The following CAPN1 variants were observed in gnomAD, a reference collection of about 807,000 sequenced individuals.
The protein encoded by CAPN1 is calpain 1, also known as calpain-1 catalytic subunit.
A neutral mutation model predicts 105.2 loss-of-function variants in CAPN1; 77 were observed. The observed-to-expected ratio is 0.73, with a 90% CI of 0.61 to 0.88. CAPN1 has a LOEUF of 0.88. Ranked by LOEUF, CAPN1 falls within the 40% of genes least tolerant of loss-of-function variation. The probability of loss-of-function intolerance (pLI) is 0.00; values close to 1 mark genes in which losing one functional copy is unlikely to be tolerated. For synonymous variants in CAPN1, 355 were observed against 388.8 expected (o/e 0.91, Z 1.02); for missense variants, 833 against 976.6 (o/e 0.85, Z 1.96).
intron 21 of CAPN1, 157 bp from the exon 22 acceptor site, chr11:65,211,103 T>A (rs1949041777): frequency 2.3e-6 from 2 of 855,856 alleles, no homozygotes; most frequent in African/African-American, 1.7e-5. Context: ...AGCACTCTGG[T>A]TTCCCAGGGG....
At chr11:65,204,636 C>T in intron 10 of CAPN1, 47 bp from the exon 11 acceptor site, 1 of 1,575,692 alleles carries the variant, frequency 6.3e-7, no homozygotes. Context: ...GGCCAATTGG[C>T]TCTGCCCCGC....
chr11:65,183,238 A>C (rs1165425169), intron 3 of CAPN1, 41 bp downstream of exon 3: 1 of 1,573,110 alleles, frequency 6.4e-7, no homozygotes, highest in East Asian at 2.2e-5. Flanking sequence ...TTTTTTCCAC[A>C]GTAGTTCCCC....
intron 10 of CAPN1, among the ~76,000 whole-genome samples, chr11:65,199,997 G>C: frequency 6.6e-6 from 1 of 152,028 alleles, no homozygotes; most frequent in East Asian, 1.9e-4. Flanking sequence ...ATTGCTCCGG[G>C]GTGTTTCTGC....
At position 65,208,779 on chromosome 11, in the gene CAPN1, C is replaced by CAA; in HGVS notation, c.1729+526_1729+527dup. On this transcript the variant is annotated intron_variant, in intron 16 of 21. Coordinates refer to ENST00000279247, the MANE Select transcript of CAPN1 (RefSeq NM_005186.4). This position sits in a 1 kb window ranked among gnomAD's most constrained non-coding sequence, Gnocchi z 4.1. ...TGGGCAACAGAGCAAGACCCTGTCT[C>CAA]AAAAAAAAAAGCAGGAGCAGCACCT... 4.0e-5 allele frequency: 8 copies of CAA among 199,650 alleles called. No homozygotes were observed. Among genetic ancestry groups the CAA allele is most frequent in the Admixed American group, 1.1e-4 (2 of 17,642 alleles). The allele number at this position is 199,650 out of a possible 1,614,324, so 12.4% of individuals were successfully genotyped here.
intron 3 of CAPN1, 37 bp from the exon 4 acceptor site, chr11:65,183,437 T>G: frequency 1.3e-6 from 2 of 1,494,856 alleles, no homozygotes; most frequent in African/African-American, 1.4e-5. Flanking sequence ...CGGGGCAGGT[T>G]GGTAGAGCAG....
At position 65,210,593 on chromosome 11, in the gene CAPN1, T is replaced by TG. The variant is rs1476798816; in HGVS notation, c.2059+147dup. 2 of 711,290 alleles carry TG rather than the reference T, an allele frequency of 2.8e-6. No homozygotes were observed. The highest frequency in any genetic ancestry group is 2.5e-6 in the Non-Finnish European group (1 of 406,002). 44.1% of individuals were successfully genotyped at this position (711,290 alleles called of 1,614,324 possible). A position where few individuals can be genotyped will look rare whatever the true frequency, so the allele number is the denominator to read the frequency against. On this transcript the variant is annotated intron_variant, in intron 20 of 21. Coordinates refer to ENST00000279247, the MANE Select transcript of CAPN1 (RefSeq NM_005186.4). This position sits in a 1 kb window ranked among gnomAD's most constrained non-coding sequence, Gnocchi z 4.3. ...TGCCAGAGAGGCCTGGGTCTGGGTT[T>TG]GGGGGGCCCTGGCTGAGTGCCAGGA...
At chr11:65,201,769 C>T (rs1214928824) in intron 10 of CAPN1, among the ~76,000 whole-genome samples, 11 of 151,224 alleles carry the variant, frequency 7.3e-5, no homozygotes, top group Non-Finnish European at 1.5e-4. Context: ...CCGCCCGTCT[C>T]GGCCTCCCAA....
chr11:65,184,067 G>A (rs1173478287), intron 4 of CAPN1, among the ~76,000 whole-genome samples: 1 of 152,146 alleles, frequency 6.6e-6, no homozygotes, highest in Non-Finnish European at 1.5e-5. Flanking sequence ...TTTCCTGACG[G>A]TGTGCCCAGG....
chr11:65,187,900 A>AG, intron 7 of CAPN1, 55 bp from the exon 8 acceptor site: 2 of 1,206,320 alleles, frequency 1.7e-6, no homozygotes, highest in Non-Finnish European at 2.3e-6. Flanking sequence ...TCAAAAAAGA[A>AG]AAAAAAAAAA....
In CAPN1 at chr11:65,188,881, T is replaced by C. The variant is rs1270145521; in HGVS notation, c.1165+135T>C. The C allele has an allele frequency of 2.6e-6, 2 of 755,480 alleles. No individual in the cohort carries two copies. The highest frequency in any genetic ancestry group is 4.2e-6 in the Non-Finnish European group (2 of 475,886). The allele number at this position is 755,480 out of a possible 1,614,324, so 46.8% of individuals were successfully genotyped here. A position where few individuals can be genotyped will look rare whatever the true frequency, so the allele number is the denominator to read the frequency against. On this transcript the variant is annotated intron_variant, in intron 10 of 21. Coordinates refer to ENST00000279247, the MANE Select transcript of CAPN1 (RefSeq NM_005186.4). This position sits in a 1 kb window ranked among gnomAD's most constrained non-coding sequence, Gnocchi z 5.5. ...CTTGAATTTGCTTTGAGGAGTAAAA[T>C]ATTAAATGTCCTAGTAAATTTTAAA...
Position 65,188,722 on chromosome 11 carries a change from G to T in CAPN1, c.1141G>T (p.Ala381Ser). 3 of 1,582,936 alleles carry T rather than the reference G, an allele frequency of 1.9e-6. No individual in the cohort carries two copies. The highest frequency in any genetic ancestry group is 2.6e-6 in the Non-Finnish European group (3 of 1,164,910). ...AGGCACCTGGCGGCGGGGGAGCACCGCGGGGGGCTGCCGAAACTACCCAGG... is the reference window on the plus strand; with the variant it reads ...AGGCACCTGGCGGCGGGGGAGCACCTCGGGGGGCTGCCGAAACTACCCAGG... ...YEGTWRRGST[A>S]GGCRNYPATF... Residue 381 changes from alanine (A) to serine (S), a missense_variant, in exon 10 of 22, where the codon GCG (alanine) becomes TCG (serine). Ala to Ser is a moderately conservative substitution (Grantham distance 99). Coordinates refer to ENST00000279247, the MANE Select transcript of CAPN1 (RefSeq NM_005186.4). This position sits in a 1 kb window ranked among gnomAD's most constrained non-coding sequence, Gnocchi z 5.5.
In CAPN1 at chr11:65,210,932, C is replaced by G; in HGVS notation, c.2118+60C>G. On this transcript the variant is annotated intron_variant, in intron 21 of 21. Transcript: ENST00000279247. The surrounding 1 kb of genome is among the most constrained non-coding windows in gnomAD (Gnocchi z 4.3). The stretch of plus-strand genomic sequence containing the variant: ...GTTCCAGGCGATCGAATTTTCTTAT[C>G]TGGCCAGTGTTCCCTGTCCTTTCCT... The G allele has an allele frequency of 1.4e-6, 2 of 1,412,952 alleles. No homozygotes were observed. Among genetic ancestry groups the G allele is most frequent in the Non-Finnish European group, 1.0e-6 (1 of 997,040 alleles). The allele number at this position is 1,412,952 out of a possible 1,614,324, so 87.5% of individuals were successfully genotyped here.
intron 10 of CAPN1, among the ~76,000 whole-genome samples, chr11:65,202,766 A>G (rs891275045): frequency 6.6e-6 from 1 of 152,134 alleles, no homozygotes; most frequent in Admixed American, 6.6e-5. Context: ...TAAATATACT[A>G]TTAAATATAC....
At chr11:65,197,606 G>T (rs1227744780) in intron 10 of CAPN1, among the ~76,000 whole-genome samples, 1 of 152,200 alleles carries the variant, frequency 6.6e-6, no homozygotes, top group East Asian at 1.9e-4. Context: ...TTTTGTCCAC[G>T]CTGGGCACAG....
At chr11:65,201,587 G>C (rs181407913) in intron 10 of CAPN1, among the ~76,000 whole-genome samples, 5 of 151,400 alleles carry the variant, frequency 3.3e-5, no homozygotes, top group South Asian at 2.1e-4. Context: ...GCGCGATCTC[G>C]GCTCACTGCA....
At chr11:65,193,581 C>G (rs1948748942) in intron 10 of CAPN1, among the ~76,000 whole-genome samples, 1 of 134,480 alleles carries the variant, frequency 7.4e-6, no homozygotes, top group South Asian at 2.5e-4. Context: ...GGAGACAGAG[C>G]TTGCAGTGAG....
Position 65,209,778 on chromosome 11 carries a change from C to T in CAPN1, c.1795-71C>T. 1 of 1,481,408 alleles carries T rather than the reference C, an allele frequency of 6.8e-7. No individual in the cohort carries two copies. 91.8% of individuals were successfully genotyped at this position (1,481,408 alleles called of 1,614,324 possible). The stretch of plus-strand genomic sequence containing the variant: ...ACTTGCCGGCTCGGCGGCCATCTCC[C>T]CTTCTGCACAGTTGCCCACTCTCCC... On this transcript the variant is annotated intron_variant, in intron 17 of 21. Coordinates refer to ENST00000279247, the MANE Select transcript of CAPN1 (RefSeq NM_005186.4). This position sits in a 1 kb window ranked among gnomAD's most constrained non-coding sequence, Gnocchi z 4.1.
In CAPN1 at chr11:65,210,406, C is replaced by CTT; in HGVS notation, c.2015_2016dup (p.Asp673LeufsTer11). On this transcript the variant is annotated frameshift_variant, in exon 20 of 22. Coordinates refer to ENST00000279247, the MANE Select transcript of CAPN1 (RefSeq NM_005186.4). LOFTEE classifies it high-confidence loss of function. This position sits in a 1 kb window ranked among gnomAD's most constrained non-coding sequence, Gnocchi z 4.3. Reference sequence around the variant, plus strand: ...ACTCGGAGCCCGACCTGGCGGTCGACTTTGACAATTTCGTTTGCTGCCTGG... The same window carrying CTT: ...ACTCGGAGCCCGACCTGGCGGTCGACTTTTTGACAATTTCGTTTGCTGCCTGG... 1 of 1,613,362 alleles carries CTT rather than the reference C, an allele frequency of 6.2e-7. No homozygotes were observed. The highest frequency in any genetic ancestry group is 8.5e-7 in the Non-Finnish European group (1 of 1,179,720).
At chr11:65,198,447 T>C (rs1376191018) in intron 10 of CAPN1, among the ~76,000 whole-genome samples, 1 of 152,136 alleles carries the variant, frequency 6.6e-6, no homozygotes, top group African/African-American at 2.4e-5. Flanking sequence ...TGCCCAGCCC[T>C]AATCAATGAC....
Sources: allele counts gnomAD v4.1 joint callset (sites outside exome capture counted in the v4.1 genomes callset), GRCh38; gene constraint gnomAD v4.1.1; non-coding constraint Gnocchi (gnomAD v3.1); transcripts MANE v1.5; gene names NCBI Gene and HGNC (gene_info 2026-07-23, HGNC 2026-07-21).